The following RNF19B variants were observed in gnomAD, a reference collection of about 807,000 sequenced individuals.
RNF19B encodes the protein E3 ubiquitin-protein ligase RNF19B.
Under a neutral mutation model 65.5 loss-of-function variants are expected in RNF19B, and 23 were observed. That is an observed-to-expected ratio of 0.35 (90% CI 0.25 to 0.50). The LOEUF is 0.50. RNF19B is among the 20% of genes least tolerant of loss of function. RNF19B has a pLI of 0.98. For missense variants in RNF19B, 794 were observed against 980.0 expected, an observed-to-expected ratio of 0.81 and a Z score of 2.53; for synonymous variants, 372 against 379.6, an observed-to-expected ratio of 0.98 and a Z score of 0.23.
chr1:32,944,980 G>A (rs917975124), intron 5 of RNF19B, among the ~76,000 whole-genome samples: 1 of 152,014 alleles, frequency 6.6e-6, no homozygotes, highest in African/African-American at 2.4e-5. Context: ...GAGCCACTGC[G>A]CCCAGCCAAT....
Position 32,964,746 on chromosome 1 carries a change from C to A in RNF19B, c.-61G>T, listed in dbSNP as rs564588850. The A allele has an allele frequency of 1.5e-6, 2 of 1,312,630 alleles. No homozygotes were observed. Among genetic ancestry groups the A allele is most frequent in the East Asian group, 3.3e-5 (1 of 30,044 alleles). The allele number at this position is 1,312,630 out of a possible 1,614,324, so 81.3% of individuals were successfully genotyped here. On this transcript the variant is annotated 5_prime_UTR_variant, in exon 1 of 9. Transcript: ENST00000235150. The surrounding 1 kb of genome is among the most constrained non-coding windows in gnomAD (Gnocchi z 6.5). The stretch of plus-strand genomic sequence containing the variant: ...GCCGCCACAGCTCCCGCCTCAGCGC[C>A]CCTCAGCCAGCGCCCGGCCGCCGCC...
intron 1 of RNF19B, among the ~76,000 whole-genome samples, chr1:32,957,333 T>A (rs969954194): frequency 1.3e-5 from 2 of 152,230 alleles, no homozygotes; most frequent in Non-Finnish European, 2.9e-5. Context: ...GAAACCATCA[T>A]GCAAATTCTA....
chr1:32,948,472 T>C, intron 2 of RNF19B, 109 bp from the exon 3 acceptor site: 1 of 1,180,438 alleles, frequency 8.5e-7, no homozygotes, highest in Non-Finnish European at 1.2e-6. Flanking sequence ...AGTCAAGAAC[T>C]CTTCACTGAA....
At chr1:32,954,249 T>C (rs532741548) in intron 1 of RNF19B, among the ~76,000 whole-genome samples, 1 of 151,434 alleles carries the variant, frequency 6.6e-6, no homozygotes, top group East Asian at 1.9e-4. Context: ...GAACATTGGA[T>C]AGGATCAACA....
rs758485721 is a variant in RNF19B at position 32,942,465 on chromosome 1, G to A, written c.1403-6C>T. 1 of 1,611,820 alleles carries A rather than the reference G, an allele frequency of 6.2e-7. No homozygotes were observed. Among genetic ancestry groups the A allele is most frequent in the Non-Finnish European group, 8.5e-7 (1 of 1,178,260 alleles). ...GGCTCTCCAGGCATCTGCCACTGGGGATAGAACCAAACATCCAATTCAAGA... is the reference window on the plus strand; with the variant it reads ...GGCTCTCCAGGCATCTGCCACTGGGAATAGAACCAAACATCCAATTCAAGA... On this transcript the variant is annotated splice_polypyrimidine_tract_variant and splice_region_variant and intron_variant, in intron 6 of 8. Transcript: ENST00000235150.
Position 32,964,046 on chromosome 1 carries a change from C to T in RNF19B, c.635+5G>A, listed in dbSNP as rs1369781777. 2 of 1,478,974 alleles carry T rather than the reference C, an allele frequency of 1.4e-6. No homozygotes were observed. The highest frequency in any genetic ancestry group is 1.8e-6 in the Non-Finnish European group (2 of 1,116,354). The allele number at this position is 1,478,974 out of a possible 1,614,324, so 91.6% of individuals were successfully genotyped here. A position where few individuals can be genotyped will look rare whatever the true frequency, so the allele number is the denominator to read the frequency against. On this transcript the variant is annotated splice_donor_5th_base_variant and intron_variant, in intron 1 of 8. Coordinates refer to ENST00000235150, the MANE Select transcript of RNF19B (RefSeq NM_001300826.2). The surrounding 1 kb of genome is among the most constrained non-coding windows in gnomAD (Gnocchi z 6.5). ...CCGCCACCCGCGCCACGCCCCCGCG[C>T]TCACCCGCAGTCCGGGGCCGGGCAC... is the stretch of plus-strand genomic sequence containing the variant.
At chr1:32,950,820 A>G (rs1642477289) in intron 1 of RNF19B, among the ~76,000 whole-genome samples, 2 of 150,638 alleles carry the variant, frequency 1.3e-5, no homozygotes, top group East Asian at 3.9e-4. Context: ...TACAGGCATG[A>G]GCCACCATGC....
At chr1:32,934,145 C>T (rs1322171133), downstream of RNF19B, among the ~76,000 whole-genome samples, 5 of 152,236 alleles carry the variant, frequency 3.3e-5, no homozygotes, top group South Asian at 2.1e-4. Context: ...AACAGCATTT[C>T]CTGTCCTAGG....
At chr1:32,939,213 A>T (rs1642176240) in intron 7 of RNF19B, among the ~76,000 whole-genome samples, 1 of 152,006 alleles carries the variant, frequency 6.6e-6, no homozygotes, top group South Asian at 2.1e-4. Context: ...TTTTAGAGGG[A>T]GTCTCACTCT....
Position 32,936,723 on chromosome 1 carries a change from C to T in RNF19B, c.*83G>A. 7.6e-7 allele frequency: 1 copy of T among 1,320,016 alleles called. No individual in the cohort carries two copies. Among genetic ancestry groups the T allele is most frequent in the Non-Finnish European group, 1.0e-6 (1 of 982,426 alleles). The allele number at this position is 1,320,016 out of a possible 1,614,324, so 81.8% of individuals were successfully genotyped here. Reference sequence around the variant, plus strand: ...TCTGTGAAATAAAATACATAAATCTCTACCCCTTGGAAAAAAAAAAAAAAA... The same window carrying T: ...TCTGTGAAATAAAATACATAAATCTTTACCCCTTGGAAAAAAAAAAAAAAA... On this transcript the variant is annotated 3_prime_UTR_variant, in exon 9 of 9. Transcript: ENST00000235150.
At chr1:32,952,216 T>G (rs1291560925) in intron 1 of RNF19B, among the ~76,000 whole-genome samples, 1 of 151,934 alleles carries the variant, frequency 6.6e-6, no homozygotes, top group Middle Eastern at 3.2e-3. Context: ...AATATATTTA[T>G]ATAACTATTA....
chr1:32,947,020 T>C (rs1465750498), intron 3 of RNF19B, among the ~76,000 whole-genome samples: 1 of 152,324 alleles, frequency 6.6e-6, no homozygotes, highest in East Asian at 1.9e-4. Context: ...GGAGAGGATA[T>C]AAAAAGACCT....
chr1:32,959,282 T>C (rs1357701836), intron 1 of RNF19B, among the ~76,000 whole-genome samples: 1 of 152,166 alleles, frequency 6.6e-6, no homozygotes, highest in African/African-American at 2.4e-5. Context: ...CAAGACAGCC[T>C]TATCCCTTCT....
intron 3 of RNF19B, 78 bp from the exon 4 acceptor site, chr1:32,946,642 C>T (rs1642373042): frequency 2.3e-6 from 3 of 1,282,714 alleles, no homozygotes; most frequent in Admixed American, 4.5e-5. Flanking sequence ...ATAACAGCAA[C>T]AGCCTTCTTT....
intron 1 of RNF19B, among the ~76,000 whole-genome samples, chr1:32,959,054 G>A (rs1353356986): frequency 1.3e-5 from 2 of 152,152 alleles, no homozygotes; most frequent in Non-Finnish European, 2.9e-5. Flanking sequence ...CTCCTTCACT[G>A]ACTGAAATTT....
chr1:32,934,836 A>T (rs1557560471), downstream of RNF19B, among the ~76,000 whole-genome samples: 2 of 151,892 alleles, frequency 1.3e-5, no homozygotes. Context: ...TTCTAAGGAC[A>T]TTATTTTATT....
At chr1:32,947,504 C>A (rs577718215) in intron 3 of RNF19B, among the ~76,000 whole-genome samples, 1 of 151,906 alleles carries the variant, frequency 6.6e-6, no homozygotes, top group South Asian at 2.1e-4. Flanking sequence ...ACTAAAAATA[C>A]AAAAATTAGC....
At chr1:32,950,920 A>C (rs1443808392) in intron 1 of RNF19B, among the ~76,000 whole-genome samples, 1 of 149,332 alleles carries the variant, frequency 6.7e-6, no homozygotes, top group Non-Finnish European at 1.5e-5. Context: ...GCTCACTGCA[A>C]CCTCCGCCTC....
At chr1:32,954,411 C>A (rs922083760) in intron 1 of RNF19B, among the ~76,000 whole-genome samples, 1 of 151,788 alleles carries the variant, frequency 6.6e-6, no homozygotes, top group African/African-American at 2.4e-5. Context: ...GAGCTCTTGC[C>A]TCTGACTCAT....
Sources: allele counts gnomAD v4.1 joint callset (sites outside exome capture counted in the v4.1 genomes callset), GRCh38; gene constraint gnomAD v4.1.1; non-coding constraint Gnocchi (gnomAD v3.1); transcripts MANE v1.5; gene names NCBI Gene and HGNC (gene_info 2026-07-23, HGNC 2026-07-21).